The following ORC4 variants were observed in gnomAD, a reference collection of about 807,000 sequenced individuals.
The protein encoded by ORC4 is origin recognition complex subunit 4, also known as origin recognition complex, subunit 4 homolog.
ORC4 carries 55 observed loss-of-function variants against 63.9 expected under a neutral mutation model. That is an observed-to-expected ratio of 0.86 (90% CI 0.69 to 1.08). The LOEUF (loss-of-function observed/expected upper bound fraction) is 1.08, where lower values mean the gene tolerates loss of function less well. ORC4 is among the 50% of genes least tolerant of loss of function. The probability of loss-of-function intolerance (pLI) is 0.00; values close to 1 mark genes in which losing one functional copy is unlikely to be tolerated. For missense variants in ORC4, 511 were observed against 504.4 expected, an observed-to-expected ratio of 1.01 and a Z score of -0.13; for synonymous variants, 150 against 168.5, an observed-to-expected ratio of 0.89 and a Z score of 0.85.
At chr2:147,944,994 T>C (rs559092249) in intron 9 of ORC4, among the ~76,000 whole-genome samples, 1 of 152,124 alleles carries the variant, frequency 6.6e-6, no homozygotes, top group Non-Finnish European at 1.5e-5. Context: ...AAAAACAAAG[T>C]AATACCTTTT....
chr2:148,006,180 G>C lies in ORC4; in HGVS notation c.-18+14453C>G, dbSNP rs562134670. ...AGAATCTGTGTGCTTGGGAGAGAGA[G>C]CGAAAGTAAGTATGGGACTTTGCGC... On this transcript the variant is annotated intron_variant, in intron 1 of 13. Transcript: ENST00000392857. Among the ~76,000 whole-genome samples, 13 of 152,272 alleles carry C rather than the reference G, an allele frequency of 8.5e-5. 1 individual carries two copies. The South Asian group carries it at 2.7e-3, about 32-fold the overall frequency.
intron 10 of ORC4, among the ~76,000 whole-genome samples, chr2:147,939,577 T>G (rs975885789): frequency 6.6e-6 from 1 of 152,068 alleles, no homozygotes; most frequent in Non-Finnish European, 1.5e-5. Flanking sequence ...TACTTACTAA[T>G]AAAAGCCCCA....
rs759491574 is a variant in ORC4 at position 147,938,365 on chromosome 2, T to C, written c.987A>G (p.Ile329Met). The part of the protein sequence containing the change: ...HGLSVLEICL[I>M]IAMKHLNDIY... ...TGTCATTTAAATGTTTCATTGCTAT[T>C]ATAAGACAGATTTCCAAGACTGATA... The change falls in exon 12 of 14, where the codon ATA becomes ATG. Residue 329 changes from isoleucine (I) to methionine (M), a missense_variant. Ile to Met is a conservative substitution (Grantham distance 10, BLOSUM62 1). Coordinates refer to ENST00000392857, the MANE Select transcript of ORC4 (RefSeq NM_181741.4). The C allele has an allele frequency of 6.2e-7, 1 of 1,605,134 alleles. No homozygotes were observed. The highest frequency in any genetic ancestry group is 1.1e-5 in the South Asian group (1 of 90,874).
intron 1 of ORC4, among the ~76,000 whole-genome samples, chr2:148,017,159 A>C (rs1382241315): frequency 6.6e-6 from 1 of 152,238 alleles, no homozygotes; most frequent in Admixed American, 6.5e-5. Flanking sequence ...CAGCAGCAAT[A>C]CAGTAAAAGT....
chr2:147,945,430 A>G (rs13033589), intron 9 of ORC4, among the ~76,000 whole-genome samples: 50,015 of 151,732 alleles, frequency 0.33, 8,505 homozygotes, highest in East Asian at 0.52. Flanking sequence ...AAATTGTCTA[A>G]CCTCGTTCAT....
chr2:147,985,814 A>G (rs1358064489), intron 1 of ORC4, among the ~76,000 whole-genome samples: 2 of 152,106 alleles, frequency 1.3e-5, no homozygotes, highest in Non-Finnish European at 2.9e-5. Context: ...CTGACTAGCA[A>G]TGGTATACAA....
chr2:147,948,259 GA>G, intron 8 of ORC4, 35 bp from the exon 9 acceptor site: 1 of 1,483,376 alleles, frequency 6.7e-7, no homozygotes, highest in Non-Finnish European at 9.3e-7. Context: ...TAAGGAAGAT[GA>G]ATGTTTTTAA....
At chr2:147,981,220 T>C (rs1038975533) in intron 1 of ORC4, among the ~76,000 whole-genome samples, 1 of 152,190 alleles carries the variant, frequency 6.6e-6, no homozygotes, top group Non-Finnish European at 1.5e-5. Context: ...TCATGGATAG[T>C]ACCCAACTCT....
At chr2:147,977,934 T>G (rs898900868) in intron 1 of ORC4, among the ~76,000 whole-genome samples, 1 of 152,092 alleles carries the variant, frequency 6.6e-6, no homozygotes, top group African/African-American at 2.4e-5. Context: ...CAGTCAAGAC[T>G]TAGGTCTTCA....
chr2:148,013,838 A>C (rs1163553008), intron 1 of ORC4, among the ~76,000 whole-genome samples: 1 of 152,248 alleles, frequency 6.6e-6, no homozygotes, highest in Non-Finnish European at 1.5e-5. Context: ...GTAGTGGCAG[A>C]CAGGACCAAC....
intron 13 of ORC4, 33 bp downstream of exon 13, chr2:147,938,113 T>A (rs535617718): frequency 7.1e-7 from 1 of 1,410,102 alleles, no homozygotes; most frequent in East Asian, 2.3e-5. Flanking sequence ...AATATACTTG[T>A]CTGTAGAAAA....
At chr2:147,973,418 C>G (rs1385332904) in intron 3 of ORC4, 30 bp downstream of exon 3, 1 of 1,330,216 alleles carries the variant, frequency 7.5e-7, no homozygotes, top group Non-Finnish European at 1.1e-6. Context: ...TAAGTAGGTC[C>G]ATAACAGTCA....
intron 11 of ORC4, chr2:147,938,646 A>C (rs1408211632): frequency 2.2e-6 from 1 of 448,236 alleles, no homozygotes; most frequent in African/African-American, 2.0e-5. Context: ...GATTGGCGAA[A>C]TATTATCAGG....
At chr2:147,952,649 G>T (rs1204759974) in intron 7 of ORC4, 125 bp from the exon 8 acceptor site, 1 of 749,522 alleles carries the variant, frequency 1.3e-6, no homozygotes, top group African/African-American at 1.8e-5. Flanking sequence ...GCCTACTTTG[G>T]GTAGGGGATT....
At chr2:148,015,152 T>A (rs904231731) in intron 1 of ORC4, among the ~76,000 whole-genome samples, 1 of 149,352 alleles carries the variant, frequency 6.7e-6, no homozygotes, top group East Asian at 2.0e-4. Context: ...CACAAAAAGA[T>A]TAGAGTGAAA....
intron 10 of ORC4, among the ~76,000 whole-genome samples, chr2:147,943,101 G>A (rs916851434): frequency 3.9e-5 from 6 of 152,178 alleles, no homozygotes; most frequent in African/African-American, 1.4e-4. Flanking sequence ...GCTGATGAAA[G>A]TAATCAAACA....
chr2:147,982,565 C>A (rs1480479253), intron 1 of ORC4, among the ~76,000 whole-genome samples: 1 of 152,120 alleles, frequency 6.6e-6, no homozygotes, highest in East Asian at 1.9e-4. Context: ...CCCTTTGCAT[C>A]ATATATAAAT....
chr2:148,005,838 T>C (rs1158488379), intron 1 of ORC4, among the ~76,000 whole-genome samples: 1 of 151,958 alleles, frequency 6.6e-6, no homozygotes, highest in Non-Finnish European at 1.5e-5. Flanking sequence ...TAGCTGGGCA[T>C]GGTGGCATGT....
intron 4 of ORC4, among the ~76,000 whole-genome samples, chr2:147,965,274 G>A (rs1457285715): frequency 6.6e-6 from 1 of 151,904 alleles, no homozygotes; most frequent in Non-Finnish European, 1.5e-5. Context: ...AAATGACAGG[G>A]TAAGTCCTCA....
Sources: allele counts gnomAD v4.1 joint callset (sites outside exome capture counted in the v4.1 genomes callset), GRCh38; gene constraint gnomAD v4.1.1; transcripts MANE v1.5; gene names NCBI Gene and HGNC (gene_info 2026-07-23, HGNC 2026-07-21).